The following EDAR variants were observed in gnomAD, a reference collection of about 807,000 sequenced individuals.
EDAR encodes tumor necrosis factor receptor superfamily member EDAR.
Under a neutral mutation model 51.3 loss-of-function variants are expected in EDAR, and 38 were observed. The observed-to-expected ratio is 0.74, with a 90% CI of 0.57 to 0.97. EDAR has a LOEUF of 0.97. EDAR is among the 50% of genes least tolerant of loss of function. The pLI is 0.00. For missense variants in EDAR, 528 were observed against 595.0 expected (o/e 0.89, Z 1.17); for synonymous variants, 227 against 242.1 (o/e 0.94, Z 0.58).
chr2:108,908,023 C>T lies in EDAR; in HGVS notation c.804-4G>A. On this transcript the variant is annotated splice_polypyrimidine_tract_variant and splice_region_variant and intron_variant, in intron 9 of 11. Transcript: ENST00000258443. ...CTCGGATGAGGCATCGTTCTCGCTG[C>T]AAAAACAAGAGCGATGGTCATTAGC... 1 of 1,606,050 alleles carries T rather than the reference C, an allele frequency of 6.2e-7. No individual in the cohort carries two copies. The highest frequency in any genetic ancestry group is 8.5e-7 in the Non-Finnish European group (1 of 1,174,394).
intron 4 of EDAR, among the ~76,000 whole-genome samples, chr2:108,926,809 G>A (rs989005795): frequency 7.9e-5 from 12 of 152,218 alleles, no homozygotes; most frequent in Non-Finnish European, 1.6e-4. Flanking sequence ...GAGAGACTGG[G>A]ACAAGGCAAT....
chr2:108,932,041 G>T (rs557828171), intron 1 of EDAR, among the ~76,000 whole-genome samples: 1 of 152,006 alleles, frequency 6.6e-6, no homozygotes, highest in Non-Finnish European at 1.5e-5. Flanking sequence ...GAATTCTCTC[G>T]TCCTTAGCAA....
At chr2:108,957,260 C>G (rs1042255719) in intron 1 of EDAR, among the ~76,000 whole-genome samples, 1 of 152,188 alleles carries the variant, frequency 6.6e-6, no homozygotes, top group African/African-American at 2.4e-5. Flanking sequence ...TGTTCACCTT[C>G]GCTTCGTGAG....
At chr2:108,986,088 T>C (rs982110392) in intron 1 of EDAR, among the ~76,000 whole-genome samples, 1 of 152,060 alleles carries the variant, frequency 6.6e-6, no homozygotes, top group Admixed American at 6.6e-5. Context: ...TGATGAAAAA[T>C]TAAATATGGT....
At chr2:108,964,244 A>G (rs1698108310) in intron 1 of EDAR, among the ~76,000 whole-genome samples, 1 of 152,114 alleles carries the variant, frequency 6.6e-6, no homozygotes, top group Admixed American at 6.5e-5. Flanking sequence ...TCCTGGGGAA[A>G]CTGAGACTCT....
chr2:108,912,244 C>T (rs1434051167), intron 6 of EDAR, among the ~76,000 whole-genome samples: 1 of 152,228 alleles, frequency 6.6e-6, no homozygotes, highest in Non-Finnish European at 1.5e-5. Flanking sequence ...CCTCCTCAAT[C>T]CCTTCTTCCC....
chr2:108,921,572 A>G (rs171857), intron 5 of EDAR, among the ~76,000 whole-genome samples: 135,597 of 152,242 alleles, frequency 0.89, 60,564 homozygotes, highest in East Asian at 0.95. Context: ...TGCTGCCCAG[A>G]GTGGGGCTGC....
intron 11 of EDAR, among the ~76,000 whole-genome samples, chr2:108,901,928 A>G (rs1218846834): frequency 6.6e-6 from 1 of 152,072 alleles, no homozygotes; most frequent in Non-Finnish European, 1.5e-5. Context: ...AGATGGTGAA[A>G]CCTCATTTCT....
intron 1 of EDAR, among the ~76,000 whole-genome samples, chr2:108,948,299 T>G (rs1177901859): frequency 6.6e-6 from 1 of 152,236 alleles, no homozygotes; most frequent in Non-Finnish European, 1.5e-5. Flanking sequence ...AACAAGTCTG[T>G]AGGAAGTTCC....
chr2:108,904,716 G>A (rs866218633), intron 11 of EDAR, among the ~76,000 whole-genome samples: 2 of 152,150 alleles, frequency 1.3e-5, no homozygotes, highest in Non-Finnish European at 2.9e-5. Flanking sequence ...CATTCACCAC[G>A]GTTACATACC....
intron 1 of EDAR, among the ~76,000 whole-genome samples, chr2:108,973,374 G>A (rs1698268212): frequency 6.6e-6 from 1 of 152,190 alleles, no homozygotes; most frequent in African/African-American, 2.4e-5. Flanking sequence ...GGGCAGGAGG[G>A]CGGTGCAGAG....
chr2:108,944,410 G>A (rs1048242524), intron 1 of EDAR, among the ~76,000 whole-genome samples: 2 of 152,216 alleles, frequency 1.3e-5, no homozygotes, highest in African/African-American at 4.8e-5. Flanking sequence ...CACCGTGCCC[G>A]GCCCAGGAAT....
intron 1 of EDAR, among the ~76,000 whole-genome samples, chr2:108,979,122 G>C (rs1430260533): frequency 2.0e-5 from 3 of 152,186 alleles, no homozygotes; most frequent in Non-Finnish European, 4.4e-5. Context: ...GGAAACATCT[G>C]AGGATGCCAA....
At chr2:108,982,255 A>G (rs1175094387) in intron 1 of EDAR, among the ~76,000 whole-genome samples, 3 of 152,316 alleles carry the variant, frequency 2.0e-5, no homozygotes, top group South Asian at 2.1e-4. Flanking sequence ...GAAAGCAGCC[A>G]CCTCAAACCC....
At chr2:108,929,751 G>A (rs776466493) in intron 3 of EDAR, among the ~76,000 whole-genome samples, 8 of 152,196 alleles carry the variant, frequency 5.3e-5, no homozygotes, top group Non-Finnish European at 8.8e-5. Context: ...GAACACTCAG[G>A]CTTAGCTTGC....
chr2:108,943,659 G>A (rs933614799), intron 1 of EDAR, among the ~76,000 whole-genome samples: 2 of 152,158 alleles, frequency 1.3e-5, no homozygotes, highest in African/African-American at 4.8e-5. Context: ...CGTATTTTCC[G>A]TGGCCTGGTG....
chr2:108,932,549 A>G (rs1020607956), intron 1 of EDAR, among the ~76,000 whole-genome samples: 4 of 151,240 alleles, frequency 2.6e-5, no homozygotes, highest in African/African-American at 2.4e-5. Context: ...AAAAAAAAAA[A>G]AAAGAAAGAA....
rs1490873519 is a variant in EDAR, at chr2:108,965,890, C to T, written c.-19+23070G>A. Reference sequence around the variant, plus strand: ...CCTTCTGTGCTCCCCCCTCTCCCCCCAGGCAAAGAAATATTTCCTGAAAAC... The same window carrying T: ...CCTTCTGTGCTCCCCCCTCTCCCCCTAGGCAAAGAAATATTTCCTGAAAAC... On this transcript the variant is annotated intron_variant, in intron 1 of 11. Coordinates refer to ENST00000258443, the MANE Select transcript of EDAR (RefSeq NM_022336.4). 2.0e-5 allele frequency among the ~76,000 whole-genome samples: 3 copies of T among 152,224 alleles called. No homozygotes were observed. The East Asian group carries it at 5.8e-4, about 29-fold the overall frequency.
intron 1 of EDAR, among the ~76,000 whole-genome samples, chr2:108,973,567 C>T (rs1698271750): frequency 6.6e-6 from 1 of 152,206 alleles, no homozygotes; most frequent in African/African-American, 2.4e-5. Flanking sequence ...GTGAGTGTGG[C>T]TCCTGGAATC....
Sources: allele counts gnomAD v4.1 joint callset (sites outside exome capture counted in the v4.1 genomes callset), GRCh38; gene constraint gnomAD v4.1.1; transcripts MANE v1.5; gene names NCBI Gene and HGNC (gene_info 2026-07-23, HGNC 2026-07-21).